Variants in KLF12 observed in about 807,000 individuals in gnomAD.
KLF12 encodes the protein KLF transcription factor 12.
A neutral mutation model predicts 37.8 loss-of-function variants in KLF12; 9 were observed. The ratio of observed to expected loss-of-function variants is 0.24; its 90% confidence interval spans 0.14 to 0.42. The LOEUF (loss-of-function observed/expected upper bound fraction) is 0.42, where lower values mean the gene tolerates loss of function less well. Among genes scored for constraint, KLF12 ranks in the 10% least tolerant of loss-of-function variants. KLF12 has a pLI of 1.00. For synonymous variants in KLF12, 208 were observed against 202.1 expected, an observed-to-expected ratio of 1.03 and a Z score of -0.25; for missense variants, 411 against 516.0, an observed-to-expected ratio of 0.80 and a Z score of 1.97.
chr13:74,112,051 A>T, intron 1 of KLF12, among the ~76,000 whole-genome samples: 1 of 152,192 alleles, frequency 6.6e-6, no homozygotes, highest in East Asian at 1.9e-4. Flanking sequence ...AGAAAAAAGG[A>T]ACACCCAACT....
At chr13:74,078,374 C>T (rs1296521799) in intron 1 of KLF12, among the ~76,000 whole-genome samples, 1 of 152,120 alleles carries the variant, frequency 6.6e-6, no homozygotes, top group Admixed American at 6.6e-5. Context: ...AGACAAAAAC[C>T]ATATTACTAA....
chr13:74,207,573 G>A, the KLF12 span, among the ~76,000 whole-genome samples: 4 of 152,178 alleles, frequency 2.6e-5, no homozygotes, highest in East Asian at 7.7e-4. Context: ...CTACTTGGGA[G>A]GCTAAGGCAG....
At chr13:73,954,280 GTTTTGTC>G (rs1890758256) in intron 2 of KLF12, among the ~76,000 whole-genome samples, 2 of 152,032 alleles carry the variant, frequency 1.3e-5, no homozygotes, top group South Asian at 4.2e-4. Flanking sequence ...ACCCAGCCCG[GTTTTGTC>G]TTTTTCTAAG....
the KLF12 span, among the ~76,000 whole-genome samples, chr13:74,164,425 A>T: frequency 6.6e-6 from 1 of 152,096 alleles, no homozygotes; most frequent in Non-Finnish European, 1.5e-5. Context: ...ATATTACCCC[A>T]GTAGAAAGTG....
intron 3 of KLF12, among the ~76,000 whole-genome samples, chr13:73,933,378 T>C (rs184807415): frequency 4.6e-5 from 7 of 152,328 alleles, no homozygotes; most frequent in African/African-American, 1.7e-4. Context: ...TTCTAAACTA[T>C]TAATAGCTTT....
At chr13:74,013,079 GT>G (rs1193466245) in intron 1 of KLF12, among the ~76,000 whole-genome samples, 1 of 152,212 alleles carries the variant, frequency 6.6e-6, no homozygotes, top group Non-Finnish European at 1.5e-5. Flanking sequence ...AGAGTTGGCA[GT>G]CTTCAACAGC....
intron 3 of KLF12, among the ~76,000 whole-genome samples, chr13:73,864,120 C>T (rs1886061785): frequency 6.6e-6 from 1 of 152,002 alleles, no homozygotes; most frequent in Non-Finnish European, 1.5e-5. Flanking sequence ...AAAAATTCCT[C>T]TTGGTTTACA....
At chr13:74,005,714 G>A (rs949088114) in intron 1 of KLF12, among the ~76,000 whole-genome samples, 1 of 152,136 alleles carries the variant, frequency 6.6e-6, no homozygotes, top group African/African-American at 2.4e-5. Flanking sequence ...ATGAATACAA[G>A]AGCCACACAA....
the KLF12 span, among the ~76,000 whole-genome samples, chr13:74,175,738 TGAA>T: frequency 6.6e-6 from 1 of 152,180 alleles, no homozygotes; most frequent in Non-Finnish European, 1.5e-5. Flanking sequence ...AGTTTACATA[TGAA>T]TGTGGAGCAA....
chr13:73,912,950 A>G (rs1396087256), intron 3 of KLF12, among the ~76,000 whole-genome samples: 1 of 150,758 alleles, frequency 6.6e-6, no homozygotes, highest in African/African-American at 2.5e-5. Flanking sequence ...CTACTTCTCC[A>G]TGTTATTATC....
intron 2 of KLF12, among the ~76,000 whole-genome samples, chr13:73,948,849 A>G (rs1461063958): frequency 6.6e-6 from 1 of 152,238 alleles, no homozygotes; most frequent in Non-Finnish European, 1.5e-5. Flanking sequence ...AATAGATTGA[A>G]ATCATGTTTA....
At chr13:74,270,898 A>C in the KLF12 span, among the ~76,000 whole-genome samples, 2 of 152,116 alleles carry the variant, frequency 1.3e-5, no homozygotes, top group African/African-American at 4.8e-5. Flanking sequence ...GCCACTTGAT[A>C]TTCCAGTAAA....
intron 3 of KLF12, among the ~76,000 whole-genome samples, chr13:73,868,419 C>G (rs1009250462): frequency 6.0e-5 from 9 of 150,998 alleles, no homozygotes; most frequent in Non-Finnish European, 1.3e-4. Flanking sequence ...GAGACAGAGT[C>G]TCACTGTCAC....
intron 5 of KLF12, among the ~76,000 whole-genome samples, chr13:73,798,525 G>A (rs901599948): frequency 2.0e-5 from 3 of 152,034 alleles, no homozygotes; most frequent in African/African-American, 4.8e-5. Flanking sequence ...TACATCTGAC[G>A]AAAGTCTAAT....
chr13:74,154,055 G>A, the KLF12 span, among the ~76,000 whole-genome samples: 17 of 141,184 alleles, frequency 1.2e-4, no homozygotes, highest in Admixed American at 6.8e-4. Context: ...GTGAAACCCC[G>A]TCTCTAGTAA....
In KLF12 at chr13:73,904,463, TCTTTC is replaced by T. The variant is rs1479399865; in HGVS notation, c.123+39513_123+39517del. On this transcript the variant is annotated intron_variant, in intron 3 of 7. Coordinates refer to ENST00000377669, the MANE Select transcript of KLF12 (RefSeq NM_007249.5). ...GAAAGACAGTTTCTCATGTTTTCTT[TCTTTC>T]CTTTTTTTTTTTTTTTTTTTTTTTA... Among the ~76,000 whole-genome samples the T allele has an allele frequency of 6.3e-4, 76 of 121,432 alleles. 1 individual carries two copies. Among genetic ancestry groups the T allele is most frequent in the African/African-American group, 1.4e-3 (44 of 30,850 alleles). 79.7% of individuals were successfully genotyped at this position (121,432 alleles called of 152,430 possible).
At chr13:73,757,354 T>G (rs1879243248) in intron 6 of KLF12, among the ~76,000 whole-genome samples, 1 of 152,164 alleles carries the variant, frequency 6.6e-6, no homozygotes, top group Non-Finnish European at 1.5e-5. Flanking sequence ...TATCTATTGC[T>G]CTCTTAAAAC....
At chr13:73,942,335 C>CT (rs1231565475) in intron 3 of KLF12, among the ~76,000 whole-genome samples, 2 of 151,958 alleles carry the variant, frequency 1.3e-5, no homozygotes, top group Non-Finnish European at 2.9e-5. Context: ...TGCTTTTTCA[C>CT]TTTTTTTTCC....
At chr13:73,868,683 G>A (rs1325582078) in intron 3 of KLF12, among the ~76,000 whole-genome samples, 2 of 152,006 alleles carry the variant, frequency 1.3e-5, no homozygotes, top group African/African-American at 2.4e-5. Context: ...GAGCCACTAC[G>A]CCTGGCCTAA....
Sources: gnomAD v4.1 joint callset for allele counts (sites outside exome capture counted in the v4.1 genomes callset) on GRCh38, gnomAD v4.1.1 for gene constraint, MANE v1.5 for transcripts, NCBI Gene and HGNC (gene_info 2026-07-23, HGNC 2026-07-21) for gene names.